Variants in PRKD1 observed in about 807,000 individuals in gnomAD.
The protein encoded by PRKD1 is protein kinase D1.
A neutral mutation model predicts 95.9 loss-of-function variants in PRKD1; 63 were observed. That is an observed-to-expected ratio of 0.66 (90% CI 0.54 to 0.81). PRKD1 has a LOEUF of 0.81. Among genes scored for constraint, PRKD1 ranks in the 30% least tolerant of loss-of-function variants. The probability of loss-of-function intolerance (pLI) is 0.00; values close to 1 mark genes in which losing one functional copy is unlikely to be tolerated. For missense variants in PRKD1, 1,048 were observed against 1,165.3 expected, an observed-to-expected ratio of 0.90 and a Z score of 1.47; for synonymous variants, 425 against 423.1, an observed-to-expected ratio of 1.00 and a Z score of -0.05.
chr14:29,837,143 A>C (rs1171055108), intron 1 of PRKD1, among the ~76,000 whole-genome samples: 1 of 152,148 alleles, frequency 6.6e-6, no homozygotes, highest in Non-Finnish European at 1.5e-5. Context: ...TAATTCCGAG[A>C]AGTATACCAA....
At chr14:29,804,588 T>TAAA (rs10654939) in intron 1 of PRKD1, among the ~76,000 whole-genome samples, 10 of 145,670 alleles carry the variant, frequency 6.9e-5, no homozygotes, top group African/African-American at 5.0e-5. Flanking sequence ...ACAATCCAAC[T>TAAA]AAAAAAAAAA....
At chr14:29,596,873 G>A (rs45480491) in intron 16 of PRKD1, among the ~76,000 whole-genome samples, 7 of 152,172 alleles carry the variant, frequency 4.6e-5, no homozygotes, top group Non-Finnish European at 8.8e-5. Flanking sequence ...TTAAGAGGAA[G>A]GAAATATTTA....
chr14:29,789,143 C>T (rs1002059245), intron 1 of PRKD1, among the ~76,000 whole-genome samples: 8 of 152,082 alleles, frequency 5.3e-5, no homozygotes, highest in Non-Finnish European at 8.8e-5. Flanking sequence ...GCCTCAGTAT[C>T]CCAAAGTGCT....
At chr14:29,879,548 A>G (rs1470323263) in intron 1 of PRKD1, among the ~76,000 whole-genome samples, 1 of 152,186 alleles carries the variant, frequency 6.6e-6, no homozygotes, top group Non-Finnish European at 1.5e-5. Flanking sequence ...CAGCAGCATG[A>G]AAACAGAATA....
intron 1 of PRKD1, among the ~76,000 whole-genome samples, chr14:29,905,683 C>T (rs1290081920): frequency 2.0e-5 from 3 of 152,186 alleles, no homozygotes; most frequent in African/African-American, 4.8e-5. Context: ...GAATGATTGA[C>T]GTGCACCAAG....
chr14:29,770,951 A>G (rs1478239429), intron 1 of PRKD1, among the ~76,000 whole-genome samples: 145 of 146,752 alleles, frequency 9.9e-4, no homozygotes, highest in African/African-American at 3.6e-3. Flanking sequence ...AAAAAAAAAA[A>G]GGAAAGAAAG....
intron 1 of PRKD1, among the ~76,000 whole-genome samples, chr14:29,910,158 C>G (rs1009752957): frequency 1.3e-5 from 2 of 152,138 alleles, no homozygotes; most frequent in Non-Finnish European, 2.9e-5. Context: ...CTGTAACACT[C>G]ACTGCGAAGG....
intron 4 of PRKD1, among the ~76,000 whole-genome samples, chr14:29,657,098 C>A (rs542000176): frequency 6.6e-6 from 1 of 152,142 alleles, no homozygotes; most frequent in African/African-American, 2.4e-5. Flanking sequence ...ATTTTAGAAT[C>A]TTTGTTGCAT....
Position 29,896,841 on chromosome 14 carries a change from A to C in PRKD1, c.264+30408T>G, listed in dbSNP as rs546563430. Among the ~76,000 whole-genome samples, 15 of 152,222 alleles carry C rather than the reference A, an allele frequency of 9.9e-5. No individual in the cohort carries two copies. The South Asian group carries it at 2.9e-3, about 29-fold the overall frequency. ...AAAATAAACTATAATGTTTAGCAGA[A>C]GAATAGGGGGTAGGTGGGTAGAAAG... On this transcript the variant is annotated intron_variant, in intron 1 of 17. Transcript: ENST00000331968.
chr14:29,907,877 T>G (rs1048730763), intron 1 of PRKD1, among the ~76,000 whole-genome samples: 7 of 152,196 alleles, frequency 4.6e-5, no homozygotes, highest in Admixed American at 6.5e-5. Context: ...TATAGAGATG[T>G]ATATTTTCCA....
intron 2 of PRKD1, among the ~76,000 whole-genome samples, chr14:29,699,489 T>A (rs897491576): frequency 2.6e-5 from 4 of 152,162 alleles, no homozygotes; most frequent in African/African-American, 9.6e-5. Flanking sequence ...CCTTTGCAAA[T>A]TTTTCCTTTG....
At chr14:29,825,187 T>A (rs987105019) in intron 1 of PRKD1, among the ~76,000 whole-genome samples, 1 of 152,096 alleles carries the variant, frequency 6.6e-6, no homozygotes, top group African/African-American at 2.4e-5. Flanking sequence ...TCAGGTTACA[T>A]GTGCCAGGAA....
At chr14:29,592,239 T>C (rs1005008831) in intron 16 of PRKD1, among the ~76,000 whole-genome samples, 18 of 151,738 alleles carry the variant, frequency 1.2e-4, no homozygotes, top group Non-Finnish European at 1.5e-5. Context: ...TGAAATATGG[T>C]AGAACATACA....
At chr14:29,771,672 G>C (rs1057182713) in intron 1 of PRKD1, among the ~76,000 whole-genome samples, 6 of 152,138 alleles carry the variant, frequency 3.9e-5, no homozygotes, top group Admixed American at 2.0e-4. Flanking sequence ...CAGAACTGTA[G>C]ATACAACTTG....
intron 2 of PRKD1, among the ~76,000 whole-genome samples, chr14:29,676,559 T>C (rs1883235116): frequency 6.6e-6 from 1 of 152,204 alleles, no homozygotes; most frequent in South Asian, 2.1e-4. Context: ...TTCACCATGT[T>C]GACCAGGATG....
chr14:29,797,188 G>A (rs1320332052), intron 1 of PRKD1, among the ~76,000 whole-genome samples: 1 of 152,154 alleles, frequency 6.6e-6, no homozygotes, highest in Admixed American at 6.5e-5. Context: ...GATAACTGGG[G>A]TAAAGGGAAA....
intron 16 of PRKD1, among the ~76,000 whole-genome samples, chr14:29,581,546 G>A (rs567610183): frequency 5.3e-5 from 8 of 152,156 alleles, no homozygotes; most frequent in Non-Finnish European, 7.4e-5. Context: ...AAACCCAGGG[G>A]GACTGGAATT....
At position 29,578,407 on chromosome 14, in the gene PRKD1, G is replaced by A. The variant is rs757183393; in HGVS notation, c.2435-47C>T. 1.2e-5 allele frequency: 16 copies of A among 1,359,836 alleles called. 1 individual carries two copies. The highest frequency in any genetic ancestry group is 1.5e-5 in the Non-Finnish European group (15 of 969,626). 84.2% of individuals were successfully genotyped at this position (1,359,836 alleles called of 1,614,324 possible). ...AATAGATGACAAATCTGTAACATAT[G>A]CATAATTCATTTATAGTTTATTTCA... On this transcript the variant is annotated intron_variant, in intron 16 of 17. Transcript: ENST00000331968.
chr14:29,850,019 C>A (rs768096294), intron 1 of PRKD1, among the ~76,000 whole-genome samples: 1 of 151,842 alleles, frequency 6.6e-6, no homozygotes, highest in African/African-American at 2.4e-5. Context: ...TGATGAAAAC[C>A]CTCAAAAAAT....
Sources: gnomAD v4.1 joint callset for allele counts (sites outside exome capture counted in the v4.1 genomes callset) on GRCh38, gnomAD v4.1.1 for gene constraint, MANE v1.5 for transcripts, NCBI Gene and HGNC (gene_info 2026-07-23, HGNC 2026-07-21) for gene names.